The following ADAM19 variants were observed in gnomAD, a reference collection of about 807,000 sequenced individuals.
ADAM19 encodes the protein disintegrin and metalloproteinase domain-containing protein 19.
In ADAM19, 65 loss-of-function variants were observed where a neutral mutation model predicts 114.7. That is an observed-to-expected ratio of 0.57 (90% CI 0.46 to 0.70). ADAM19 has a LOEUF of 0.70. Ranked by LOEUF, ADAM19 falls within the 30% of genes least tolerant of loss-of-function variation. ADAM19 has a pLI of 0.00. For synonymous variants in ADAM19, 466 were observed against 460.5 expected (o/e 1.01, Z -0.15); for missense variants, 1,063 against 1,204.7 (o/e 0.88, Z 1.74).
chr5:157,553,792 C>T (rs747333831), intron 3 of ADAM19, among the ~76,000 whole-genome samples: 23 of 152,122 alleles, frequency 1.5e-4, no homozygotes, highest in Middle Eastern at 3.4e-3. Context: ...TCCTATGTCA[C>T]CATTAAAAAG....
intron 20 of ADAM19, among the ~76,000 whole-genome samples, chr5:157,488,750 G>A (rs1357911246): frequency 2.0e-5 from 3 of 152,166 alleles, no homozygotes; most frequent in Non-Finnish European, 2.9e-5. Flanking sequence ...ACAGCATGGC[G>A]GCCGGGCATG....
intron 21 of ADAM19, among the ~76,000 whole-genome samples, chr5:157,482,276 T>C (rs896989231): frequency 6.6e-6 from 1 of 152,248 alleles, no homozygotes; most frequent in African/African-American, 2.4e-5. Context: ...TAAATCTGTT[T>C]AAGTTCTTTG....
intron 3 of ADAM19, 91 bp downstream of exon 3, chr5:157,564,282 T>C: frequency 3.2e-6 from 4 of 1,234,072 alleles, no homozygotes; most frequent in Non-Finnish European, 4.8e-6. Context: ...GTCACTCCAT[T>C]GACTGCTTCC....
chr5:157,566,851 T>C (rs1171832318), intron 2 of ADAM19: 1 of 152,200 alleles, frequency 6.6e-6, no homozygotes, highest in East Asian at 1.9e-4. Flanking sequence ...TTAAATTTTT[T>C]GTAGATACTG....
At chr5:157,552,662 G>A (rs753275135) in intron 3 of ADAM19, among the ~76,000 whole-genome samples, 7 of 129,350 alleles carry the variant, frequency 5.4e-5, no homozygotes, top group Non-Finnish European at 9.4e-5. Flanking sequence ...CTGGGTGACA[G>A]AGCGGGACTC....
intron 3 of ADAM19, among the ~76,000 whole-genome samples, chr5:157,554,728 C>T (rs1005272659): frequency 2.6e-5 from 4 of 152,184 alleles, no homozygotes; most frequent in Non-Finnish European, 5.9e-5. Context: ...ATTTATTGTG[C>T]TCTCATAGTG....
chr5:157,480,639 T>A lies in ADAM19; in HGVS notation c.*310A>T. The A allele has an allele frequency of 8.5e-7, 1 of 1,182,558 alleles. No homozygotes were observed. Among genetic ancestry groups the A allele is most frequent in the East Asian group, 4.9e-5 (1 of 20,494 alleles). The allele number at this position is 1,182,558 out of a possible 1,614,324, so 73.3% of individuals were successfully genotyped here. A position where few individuals can be genotyped will look rare whatever the true frequency, so the allele number is the denominator to read the frequency against. ...GGCTTGCTGGCCTTGAGCATCTCCA[T>A]CAGCACCTCGGGGCTAGGAGTCTGG... On this transcript the variant is annotated 3_prime_UTR_variant, in exon 23 of 23. Transcript: ENST00000257527.
chr5:157,478,840 A>C lies in ADAM19; in HGVS notation c.*2109T>G. On this transcript the variant is annotated 3_prime_UTR_variant, in exon 23 of 23. Coordinates refer to ENST00000257527, the MANE Select transcript of ADAM19 (RefSeq NM_033274.5). ...TGTGGTTCCAGGGAGGGTGGACTGC[A>C]GGTTCAGATGGCTCATGCAGTCACT... is the stretch of plus-strand genomic sequence containing the variant. 1 of 985,868 alleles carries C rather than the reference A, an allele frequency of 1.0e-6. No individual in the cohort carries two copies. The highest frequency in any genetic ancestry group is 1.2e-6 in the Non-Finnish European group (1 of 829,938). 61.1% of individuals were successfully genotyped at this position (985,868 alleles called of 1,614,324 possible). A position where few individuals can be genotyped will look rare whatever the true frequency, so the allele number is the denominator to read the frequency against.
intron 8 of ADAM19, 64 bp downstream of exon 8, chr5:157,513,370 C>T: frequency 6.6e-7 from 1 of 1,507,582 alleles, no homozygotes; most frequent in Non-Finnish European, 9.2e-7. Context: ...CAGAAGGCAG[C>T]TCCAGTGCCC....
intron 1 of ADAM19, 98 bp downstream of exon 1, chr5:157,575,505 G>C: frequency 5.6e-6 from 5 of 891,418 alleles, no homozygotes; most frequent in African/African-American, 5.3e-5. Context: ...GGAGTTGCGG[G>C]AGGCGCAGGG....
chr5:157,480,996 C>A lies in ADAM19; in HGVS notation c.2710G>T (p.Glu904Ter). The A allele has an allele frequency of 6.2e-7, 1 of 1,614,108 alleles. No homozygotes were observed. The highest frequency in any genetic ancestry group is 8.5e-7 in the Non-Finnish European group (1 of 1,180,020). The change falls in exon 23 of 23, where the codon GAA (glutamate) becomes TAA (stop). Residue 904 changes from glutamate to a stop codon, truncating the protein, a stop_gained. Transcript: ENST00000257527. LOFTEE classifies it high-confidence loss of function. ...CCTCCAGCCCTCTGTGATCTGTATT[C>A]TGGAAACTGGGAAGAAAAAGAAGGG... ...PLAALAPKFP[E>*]YRSQRAGGMI...
intron 3 of ADAM19, among the ~76,000 whole-genome samples, chr5:157,553,121 A>G (rs548111876): frequency 6.6e-6 from 1 of 152,362 alleles, no homozygotes; most frequent in East Asian, 1.9e-4. Flanking sequence ...ATTATTTGAT[A>G]GCACAACAAG....
At chr5:157,509,183 G>T (rs540333171) in intron 9 of ADAM19, 118 bp downstream of exon 9, 2 of 1,009,608 alleles carry the variant, frequency 2.0e-6, no homozygotes, top group East Asian at 5.3e-5. Context: ...TCTGGACCAG[G>T]GAGTCAGAAT....
intron 3 of ADAM19, among the ~76,000 whole-genome samples, chr5:157,555,162 T>C (rs935766279): frequency 4.6e-5 from 7 of 152,214 alleles, no homozygotes; most frequent in Non-Finnish European, 8.8e-5. Context: ...CCCACCCACA[T>C]GACTTTTAGC....
At position 157,491,856 on chromosome 5, in the gene ADAM19, C is replaced by T. The variant is rs1755176016; in HGVS notation, c.1965G>A (p.Gly655=). 2 of 1,614,246 alleles carry T rather than the reference C, an allele frequency of 1.2e-6. No homozygotes were observed. Among genetic ancestry groups the T allele is most frequent in the Non-Finnish European group, 8.5e-7 (1 of 1,180,038 alleles). ...GCACCCCATGGCCATTGCACTTCTT[C>T]CCACAGCCTTCAGTTTCAAAGAAGG... is the stretch of plus-strand genomic sequence containing the variant. ...NTSFFETEGC[G]KKCNGHGVCN... The change falls in exon 17 of 23, where the codon GGG becomes GGA. Residue 655 remains glycine, a synonymous_variant. Transcript: ENST00000257527.
intron 6 of ADAM19, among the ~76,000 whole-genome samples, 157 bp from the exon 7 acceptor site, chr5:157,519,045 C>T (rs998541501): frequency 1.2e-4 from 19 of 152,202 alleles, no homozygotes; most frequent in African/African-American, 4.1e-4. Context: ...GTGGCCATCA[C>T]TCATATAACA....
At chr5:157,571,058 G>A (rs1389745628) in intron 1 of ADAM19, 78 bp from the exon 2 acceptor site, 1 of 1,250,412 alleles carries the variant, frequency 8.0e-7, no homozygotes, top group African/African-American at 1.5e-5. Flanking sequence ...CTTTCTGTGA[G>A]CTGCCCCTGC....
intron 21 of ADAM19, among the ~76,000 whole-genome samples, chr5:157,484,706 G>GC (rs1754874780): frequency 6.6e-6 from 1 of 152,072 alleles, no homozygotes; most frequent in South Asian, 2.1e-4. Context: ...AATACAACCC[G>GC]CCCCCTTCAC....
In ADAM19 at chr5:157,499,575, T is replaced by TA. The variant is rs1755484411; in HGVS notation, c.1395dup (p.Lys466Ter). On this transcript the variant is annotated frameshift_variant, in exon 13 of 23. Coordinates refer to ENST00000257527, the MANE Select transcript of ADAM19 (RefSeq NM_033274.5). LOFTEE classifies it high-confidence loss of function. ...GCGTGGAGAAAAGGGCCACTTACCT[T>TA]ACACTGGTGGCAGCAGGAGCCGTGA... is the stretch of plus-strand genomic sequence containing the variant. 6.2e-7 allele frequency: 1 copy of TA among 1,612,600 alleles called. No homozygotes were observed. Among genetic ancestry groups the TA allele is most frequent in the Admixed American group, 1.7e-5 (1 of 59,944 alleles).
Sources: gnomAD v4.1 joint callset for allele counts (sites outside exome capture counted in the v4.1 genomes callset) on GRCh38, gnomAD v4.1.1 for gene constraint, MANE v1.5 for transcripts, NCBI Gene and HGNC (gene_info 2026-07-23, HGNC 2026-07-21) for gene names.